The following PPIE variants were observed in gnomAD, a reference collection of about 807,000 sequenced individuals.
PPIE encodes the protein peptidyl-prolyl cis-trans isomerase E.
A neutral mutation model predicts 38.4 loss-of-function variants in PPIE; 20 were observed. The ratio of observed to expected loss-of-function variants is 0.52; its 90% confidence interval spans 0.37 to 0.76. PPIE has a LOEUF of 0.76. Among genes scored for constraint, PPIE ranks in the 30% least tolerant of loss-of-function variants. The probability of loss-of-function intolerance (pLI) is 0.00; values close to 1 mark genes in which losing one functional copy is unlikely to be tolerated. For missense variants in PPIE, 322 were observed against 385.8 expected, an observed-to-expected ratio of 0.83 and a Z score of 1.39; for synonymous variants, 142 against 135.7, an observed-to-expected ratio of 1.05 and a Z score of -0.32.
downstream of PPIE, chr1:39,758,752 G>C (rs898765433): frequency 6.6e-6 from 1 of 152,314 alleles, no homozygotes; most frequent in African/African-American, 2.4e-5. Context: ...TCCCTGTGCT[G>C]ATAGGGAATT....
intron 7 of PPIE, 145 bp downstream of exon 7, chr1:39,745,643 G>A: frequency 7.6e-7 from 1 of 1,314,640 alleles, no homozygotes; most frequent in Non-Finnish European, 1.0e-6. Flanking sequence ...CTGGGATCTA[G>A]TAACAGATAA....
intron 8 of PPIE, among the ~76,000 whole-genome samples, chr1:39,752,220 T>G (rs995798825): frequency 6.6e-6 from 1 of 152,036 alleles, no homozygotes; most frequent in Non-Finnish European, 1.5e-5. Context: ...CTGAGTTAAG[T>G]TTGTGCAGAC....
chr1:39,740,032 GA>G, intron 1 of PPIE, 132 bp from the exon 2 acceptor site: 2 of 637,088 alleles, frequency 3.1e-6, no homozygotes, highest in South Asian at 3.9e-5. Flanking sequence ...GCAGAGATGA[GA>G]GGGGGATGTT....
intron 8 of PPIE, among the ~76,000 whole-genome samples, chr1:39,751,862 C>T (rs915680097): frequency 2.0e-5 from 3 of 152,088 alleles, no homozygotes; most frequent in Non-Finnish European, 2.9e-5. Context: ...AAGTGGCAGC[C>T]CAAAGCCAGA....
chr1:39,760,605 C>G (rs1394034256), downstream of PPIE: 1 of 1,602,196 alleles, frequency 6.2e-7, no homozygotes, highest in South Asian at 1.1e-5. Flanking sequence ...GGCATGAGCC[C>G]AGTGGCCTCC....
At position 39,753,415 on chromosome 1, in the gene PPIE, C is replaced by A. The variant is rs1164801350; in HGVS notation, c.*60C>A. 4 of 1,593,738 alleles carry A rather than the reference C, an allele frequency of 2.5e-6. No homozygotes were observed. Among genetic ancestry groups the A allele is most frequent in the African/African-American group, 2.7e-5 (2 of 74,526 alleles). ...ACCCTGCATATCCAGGAAGGAACTG[C>A]CAGCCTCAGAGGAGGCAGCACCGAG... On this transcript the variant is annotated 3_prime_UTR_variant, in exon 10 of 10. Coordinates refer to ENST00000324379, the MANE Select transcript of PPIE (RefSeq NM_006112.4).
rs185612389 is a variant in PPIE at position 39,750,246 on chromosome 1, A to G, written c.694+1158A>G. The stretch of plus-strand genomic sequence containing the variant: ...AGTAAAAGCATAACTTCTTGAAAAC[A>G]TGGTACAGACTTGCTGCCTTCGCGT... On this transcript the variant is annotated intron_variant, in intron 8 of 9. Transcript: ENST00000324379. 1.2e-3 allele frequency among the ~76,000 whole-genome samples: 183 copies of G among 152,268 alleles called. 1 individual carries two copies. The highest frequency in any genetic ancestry group is 3.2e-3 in the African/African-American group (134 of 41,542).
chr1:39,742,706 A>G (rs1647092933), intron 4 of PPIE: 1 of 152,476 alleles, frequency 6.6e-6, no homozygotes, highest in Non-Finnish European at 1.5e-5. Context: ...TTTTAGTTTC[A>G]TCACAGTAAT....
intron 9 of PPIE, chr1:39,763,033 A>AC: frequency 1.9e-6 from 3 of 1,580,856 alleles, no homozygotes; most frequent in Non-Finnish European, 2.6e-6. Flanking sequence ...GCTGGACCAG[A>AC]CCCCTCTCCA....
Position 39,753,566 on chromosome 1 carries a change from A to G in PPIE, c.*211A>G. 1.4e-6 allele frequency: 2 copies of G among 1,389,916 alleles called. No homozygotes were observed. The highest frequency in any genetic ancestry group is 1.9e-6 in the Non-Finnish European group (2 of 1,077,708). 86.1% of individuals were successfully genotyped at this position (1,389,916 alleles called of 1,614,324 possible). ...CAGCTGTGGGCCCAGGAGCCAGCTC[A>G]GGTGCTCCCCTCCACCATGGGCAGG... On this transcript the variant is annotated 3_prime_UTR_variant, in exon 10 of 10. Coordinates refer to ENST00000324379, the MANE Select transcript of PPIE (RefSeq NM_006112.4).
chr1:39,738,919 G>C lies in PPIE; in HGVS notation c.19G>C (p.Val7Leu). Residue 7 changes from valine to leucine, a missense_variant, in exon 1 of 10, where the codon GTC becomes CTC. Coordinates refer to ENST00000324379, the MANE Select transcript of PPIE (RefSeq NM_006112.4). ...GAGCAAGATGGCCACCACCAAGCGC[G>C]TCTTGTACGTGGGTGAGCAGGAGGG... The part of the protein sequence containing the change: MATTKR[V>L]LYVGGLAEEV... 6.7e-7 allele frequency: 1 copy of C among 1,501,154 alleles called. No individual in the cohort carries two copies. The highest frequency in any genetic ancestry group is 8.9e-7 in the Non-Finnish European group (1 of 1,126,652). 93.0% of individuals were successfully genotyped at this position (1,501,154 alleles called of 1,614,324 possible).
In PPIE at chr1:39,755,066, T is replaced by C; in HGVS notation, c.*1711T>C. The C allele has an allele frequency of 1.0e-6, 1 of 985,454 alleles. No individual in the cohort carries two copies. The highest frequency in any genetic ancestry group is 1.2e-6 in the Non-Finnish European group (1 of 829,938). 61.0% of individuals were successfully genotyped at this position (985,454 alleles called of 1,614,324 possible). ...CCCTGCTGAGCTCACAGTCTGGCTC[T>C]CCTGTGTGCAGCCACTTCTTGGAGC... On this transcript the variant is annotated 3_prime_UTR_variant, in exon 10 of 10. Coordinates refer to ENST00000324379, the MANE Select transcript of PPIE (RefSeq NM_006112.4).
At chr1:39,752,876 G>C (rs369166694) in intron 8 of PPIE, 34 bp from the exon 9 acceptor site, 1 of 1,599,058 alleles carries the variant, frequency 6.3e-7, no homozygotes. Context: ...TGGTAGCCAG[G>C]GTTCGGGGAG....
downstream of PPIE, chr1:39,760,600 G>C (rs767351961): frequency 6.2e-7 from 1 of 1,605,320 alleles, no homozygotes; most frequent in Non-Finnish European, 8.5e-7. Context: ...GCAGGGGCAT[G>C]AGCCCAGTGG....
intron 9 of PPIE, among the ~76,000 whole-genome samples, chr1:39,762,847 A>T (rs145572923): frequency 6.6e-6 from 1 of 152,376 alleles, no homozygotes; most frequent in Non-Finnish European, 1.5e-5. Flanking sequence ...CGGTGCATAG[A>T]ACAGGCATGT....
Position 39,754,520 on chromosome 1 carries a change from T to G in PPIE, c.*1165T>G, listed in dbSNP as rs1375245474. Among the ~76,000 whole-genome samples the G allele has an allele frequency of 6.6e-6, 1 of 152,180 alleles. No homozygotes were observed. The highest frequency in any genetic ancestry group is 1.5e-5 in the Non-Finnish European group (1 of 68,040). On this transcript the variant is annotated 3_prime_UTR_variant, in exon 10 of 10. Coordinates refer to ENST00000324379, the MANE Select transcript of PPIE (RefSeq NM_006112.4). ...CTGATTGGATGAGGCCTACCCACATTATGGAGGGTAATCTGCTTTACTCTC... is the reference window on the plus strand; with the variant it reads ...CTGATTGGATGAGGCCTACCCACATGATGGAGGGTAATCTGCTTTACTCTC...
Position 39,756,328 on chromosome 1 carries a change from C to T in PPIE, c.*2973C>T. 1 of 985,452 alleles carries T rather than the reference C, an allele frequency of 1.0e-6. No individual in the cohort carries two copies. The highest frequency in any genetic ancestry group is 1.2e-6 in the Non-Finnish European group (1 of 829,938). 61.0% of individuals were successfully genotyped at this position (985,452 alleles called of 1,614,324 possible). A position where few individuals can be genotyped will look rare whatever the true frequency, so the allele number is the denominator to read the frequency against. On this transcript the variant is annotated 3_prime_UTR_variant, in exon 10 of 10. Coordinates refer to ENST00000324379, the MANE Select transcript of PPIE (RefSeq NM_006112.4). ...TCCCATTGCTGGACCAGCACCAGGA[C>T]TGGGCACAGGGCTTCCTTTTGCTGA...
intron 2 of PPIE, 66 bp from the exon 3 acceptor site, chr1:39,741,300 T>G: frequency 4.8e-6 from 7 of 1,466,678 alleles, no homozygotes; most frequent in Non-Finnish European, 6.7e-6. Flanking sequence ...CTTCACTTTG[T>G]GACCATCCTG....
At position 39,753,558 on chromosome 1, in the gene PPIE, G is replaced by A; in HGVS notation, c.*203G>A. 1 of 1,393,810 alleles carries A rather than the reference G, an allele frequency of 7.2e-7. No homozygotes were observed. The highest frequency in any genetic ancestry group is 9.3e-7 in the Non-Finnish European group (1 of 1,079,798). 86.3% of individuals were successfully genotyped at this position (1,393,810 alleles called of 1,614,324 possible). Reference sequence around the variant, plus strand: ...CCCAGGCACAGCTGTGGGCCCAGGAGCCAGCTCAGGTGCTCCCCTCCACCA... The same window carrying A: ...CCCAGGCACAGCTGTGGGCCCAGGAACCAGCTCAGGTGCTCCCCTCCACCA... On this transcript the variant is annotated 3_prime_UTR_variant, in exon 10 of 10. Transcript: ENST00000324379.
Sources: gnomAD v4.1 joint callset for allele counts (sites outside exome capture counted in the v4.1 genomes callset) on GRCh38, gnomAD v4.1.1 for gene constraint, MANE v1.5 for transcripts, NCBI Gene and HGNC (gene_info 2026-07-23, HGNC 2026-07-21) for gene names.